GPC6: variants seen among roughly 807,000 people sequenced by gnomAD.
GPC6 encodes the protein glypican 6.
GPC6 carries 14 observed loss-of-function variants against 55.2 expected under a neutral mutation model. The observed-to-expected ratio is 0.25, with a 90% CI of 0.17 to 0.40. GPC6 has a LOEUF of 0.40. GPC6 is among the 10% of genes least tolerant of loss of function. The pLI is 1.00. For synonymous variants in GPC6, 278 were observed against 259.6 expected (o/e 1.07, Z -0.68); for missense variants, 641 against 708.5 (o/e 0.90, Z 1.08).
chr13:93,447,865 G>T (rs1878065866), intron 1 of GPC6, among the ~76,000 whole-genome samples: 1 of 152,158 alleles, frequency 6.6e-6, no homozygotes, highest in Non-Finnish European at 1.5e-5. Context: ...TCAGAAAAGA[G>T]TTAAGTCTGA....
At chr13:94,295,864 G>A (rs1875306441) in intron 5 of GPC6, among the ~76,000 whole-genome samples, 1 of 151,840 alleles carries the variant, frequency 6.6e-6, no homozygotes, top group African/African-American at 2.4e-5. Flanking sequence ...AAGGAAAAGA[G>A]CATGTTCTCA....
chr13:93,688,591 A>G (rs929541629), intron 2 of GPC6, among the ~76,000 whole-genome samples: 6 of 152,106 alleles, frequency 3.9e-5, no homozygotes, highest in African/African-American at 1.4e-4. Context: ...TTCAGCTATA[A>G]AAAGGCAGGA....
intron 2 of GPC6, among the ~76,000 whole-genome samples, chr13:93,720,129 A>G (rs1033903852): frequency 1.3e-5 from 2 of 151,728 alleles, no homozygotes; most frequent in Non-Finnish European, 2.9e-5. Flanking sequence ...CTCTTTTTCT[A>G]TTGTTTGGAG....
intron 1 of GPC6, among the ~76,000 whole-genome samples, chr13:93,276,483 AGAGAGAGAGAGAGTGTGT>A (rs1440871755): frequency 2.2e-5 from 3 of 134,058 alleles, no homozygotes; most frequent in African/African-American, 9.9e-5. Flanking sequence ...AGAGAGAGAG[AGAGAGAGAGAGAGTGTGT>A]GTGTGTGTGT....
intron 1 of GPC6, among the ~76,000 whole-genome samples, chr13:93,411,158 G>C (rs568073663): frequency 6.6e-6 from 1 of 152,264 alleles, no homozygotes; most frequent in South Asian, 2.1e-4. Context: ...CCCATTTCTT[G>C]ATAGTCAAGT....
At chr13:93,527,574 G>A (rs1881704732) in intron 1 of GPC6, among the ~76,000 whole-genome samples, 1 of 152,112 alleles carries the variant, frequency 6.6e-6, no homozygotes, top group Admixed American at 6.6e-5. Flanking sequence ...GGTTGGAAAG[G>A]ATGCTAGAAT....
At chr13:94,191,404 T>A (rs1850097934) in intron 4 of GPC6, among the ~76,000 whole-genome samples, 1 of 152,130 alleles carries the variant, frequency 6.6e-6, no homozygotes, top group African/African-American at 2.4e-5. Flanking sequence ...TGAGCCAGTG[T>A]CAAGTTTGAG....
Position 94,348,115 on chromosome 13 carries a change from G to A in GPC6, c.1153-34299G>A, listed in dbSNP as rs114990915. On this transcript the variant is annotated intron_variant, in intron 6 of 8. Transcript: ENST00000377047. The stretch of plus-strand genomic sequence containing the variant: ...TCTAACTTCCCCTGCCCGACTGGTT[G>A]GTTGAATGGGTTTCTTTTAGCCTAT... 5.9e-3 allele frequency among the ~76,000 whole-genome samples: 896 copies of A among 152,280 alleles called. 9 individuals carry two copies. Among genetic ancestry groups the A allele is most frequent in the African/African-American group, 0.021 (854 of 41,548 alleles).
chr13:94,129,215 C>G (rs1378026779), intron 4 of GPC6, among the ~76,000 whole-genome samples: 1 of 152,050 alleles, frequency 6.6e-6, no homozygotes, highest in Non-Finnish European at 1.5e-5. Context: ...CAGGGTTATC[C>G]TAAACCACCA....
chr13:93,317,813 G>A (rs1879293809), intron 1 of GPC6, among the ~76,000 whole-genome samples: 1 of 152,104 alleles, frequency 6.6e-6, no homozygotes, highest in Admixed American at 6.6e-5. Context: ...TATACAGTCT[G>A]TCTTTTTTCC....
chr13:94,275,650 A>T (rs1892178816), intron 4 of GPC6, among the ~76,000 whole-genome samples: 1 of 152,158 alleles, frequency 6.6e-6, no homozygotes, highest in South Asian at 2.1e-4. Context: ...AAGATAAACA[A>T]TAACTAAGGG....
chr13:93,847,436 A>G (rs1202446935), intron 3 of GPC6, among the ~76,000 whole-genome samples: 1 of 152,172 alleles, frequency 6.6e-6, no homozygotes, highest in Non-Finnish European at 1.5e-5. Flanking sequence ...CACATGACTC[A>G]TTTGTGTTCA....
At position 93,235,222 on chromosome 13, in the gene GPC6, G is replaced by A. The variant is rs1239705561; in HGVS notation, c.160+7606G>A. Among the ~76,000 whole-genome samples, 5 of 152,292 alleles carry A rather than the reference G, an allele frequency of 3.3e-5. No individual in the cohort carries two copies. In the East Asian group the frequency reaches 7.7e-4, roughly 24 times the overall value. On this transcript the variant is annotated intron_variant, in intron 1 of 8. Coordinates refer to ENST00000377047, the MANE Select transcript of GPC6 (RefSeq NM_005708.5). The stretch of plus-strand genomic sequence containing the variant: ...TAATTGGAGCCTTGAAGGATGGGTA[G>A]CATTTGACAAAGGGCCATGAAAGAA...
At chr13:93,809,849 ATAGCTTAGAAG>A in intron 2 of GPC6, among the ~76,000 whole-genome samples, 1 of 152,190 alleles carries the variant, frequency 6.6e-6, no homozygotes, top group African/African-American at 2.4e-5. Context: ...GTTGGAACGT[ATAGCTTAGAAG>A]CCCACTTTTG....
At chr13:93,624,156 G>A (rs918326944) in intron 2 of GPC6, among the ~76,000 whole-genome samples, 10 of 150,030 alleles carry the variant, frequency 6.7e-5, no homozygotes, top group Non-Finnish European at 1.5e-4. Flanking sequence ...CCAGACACAG[G>A]CATAGCTTCT....
intron 2 of GPC6, among the ~76,000 whole-genome samples, chr13:93,794,313 T>G (rs1163297354): frequency 6.6e-6 from 1 of 152,180 alleles, no homozygotes; most frequent in Non-Finnish European, 1.5e-5. Context: ...ACCTGGGAAC[T>G]TGGTAGAAAT....
intron 3 of GPC6, among the ~76,000 whole-genome samples, chr13:93,960,991 T>C (rs1377174447): frequency 1.3e-5 from 2 of 151,876 alleles, no homozygotes; most frequent in African/African-American, 4.8e-5. Flanking sequence ...TTTTTTGTAT[T>C]TTTTAGTAGA....
intron 4 of GPC6, among the ~76,000 whole-genome samples, chr13:94,070,714 C>G (rs1161696960): frequency 1.3e-5 from 2 of 152,256 alleles, no homozygotes; most frequent in Middle Eastern, 3.4e-3. Context: ...AGTTTTCTAA[C>G]CTTTTAAGAC....
At chr13:94,306,193 G>A (rs1875937930) in intron 6 of GPC6, 70 bp downstream of exon 6, 1 of 1,551,972 alleles carries the variant, frequency 6.4e-7, no homozygotes, top group African/African-American at 1.4e-5. Flanking sequence ...GAAACTCCCA[G>A]GAGATTCTGG....
Sources: allele counts gnomAD v4.1 joint callset (sites outside exome capture counted in the v4.1 genomes callset), GRCh38; gene constraint gnomAD v4.1.1; transcripts MANE v1.5; gene names NCBI Gene and HGNC (gene_info 2026-07-23, HGNC 2026-07-21).